The following TNN variants were observed in gnomAD, a reference collection of about 807,000 sequenced individuals.
The protein encoded by TNN is tenascin N, also known as tenascin-N.
Under a neutral mutation model 134.4 loss-of-function variants are expected in TNN, and 122 were observed. The ratio of observed to expected loss-of-function variants is 0.91; its 90% confidence interval spans 0.78 to 1.06. TNN has a LOEUF of 1.06. Ranked by LOEUF, TNN falls within the 50% of genes least tolerant of loss-of-function variation. The pLI is 0.00. For synonymous variants in TNN, 710 were observed against 670.3 expected, an observed-to-expected ratio of 1.06 and a Z score of -0.91; for missense variants, 1,739 against 1,699.4, an observed-to-expected ratio of 1.02 and a Z score of -0.41.
At chr1:175,099,162 C>T (rs1167107662) in intron 9 of TNN, among the ~76,000 whole-genome samples, 4 of 152,200 alleles carry the variant, frequency 2.6e-5, no homozygotes, top group Non-Finnish European at 5.9e-5. Flanking sequence ...TCTCTCTCGA[C>T]TTGGGCCACC....
intron 6 of TNN, among the ~76,000 whole-genome samples, chr1:175,088,502 A>G (rs1337285131): frequency 1.3e-5 from 2 of 152,116 alleles, no homozygotes; most frequent in African/African-American, 4.8e-5. Flanking sequence ...AAAATTTTCT[A>G]TGATTCCTCA....
intron 6 of TNN, 107 bp downstream of exon 6, chr1:175,085,601 G>GTGAGCCACCCCGTCTGTCT: frequency 1.2e-6 from 1 of 832,076 alleles, no homozygotes; most frequent in Non-Finnish European, 2.0e-6. Context: ...GCAGACAGAC[G>GTGAGCCACCCCGTCTGTCT]GGGTGGCTCA....
intron 1 of TNN, among the ~76,000 whole-genome samples, chr1:175,073,068 G>A (rs1360234530): frequency 6.6e-6 from 1 of 150,880 alleles, no homozygotes; most frequent in Non-Finnish European, 1.5e-5. Flanking sequence ...CCCTATTTTT[G>A]CCCAGGAAGA....
At position 175,077,559 on chromosome 1, in the gene TNN, G is replaced by T; in HGVS notation, c.141G>T (p.Lys47Asn). The change falls in exon 2 of 19, where the codon AAG becomes AAT. Residue 47 changes from lysine to asparagine, a missense_variant. Coordinates refer to ENST00000239462, the MANE Select transcript of TNN (RefSeq NM_022093.2). ...AGGTCACTGTCAGCCACACCTACAA[G>T]ATCGATGTGCCCAAGTCTGCCTTGG... ...EQQVTVSHTY[K>N]IDVPKSALVQ... is the part of the protein sequence containing the mutation. 6.2e-7 allele frequency: 1 copy of T among 1,614,234 alleles called. No homozygotes were observed. The highest frequency in any genetic ancestry group is 8.5e-7 in the Non-Finnish European group (1 of 1,180,054).
Position 175,098,549 on chromosome 1 carries a change from G to A in TNN, c.2073G>A (p.Gln691=), listed in dbSNP as rs989120933. The stretch of plus-strand genomic sequence containing the variant: ...AGTACATGGTGCACGTGTGGGCCCA[G>A]AAGGGGGACCAGGAGAGCAAGAAGG... ...GMEYMVHVWA[Q]KGDQESKKAD... is the part of the protein sequence containing the mutation. The change falls in exon 9 of 19, where the codon CAG becomes CAA. Residue 691 remains glutamine (Q), a synonymous_variant. Coordinates refer to ENST00000239462, the MANE Select transcript of TNN (RefSeq NM_022093.2). 1 of 1,614,074 alleles carries A rather than the reference G, an allele frequency of 6.2e-7. No individual in the cohort carries two copies. Among genetic ancestry groups the A allele is most frequent in the Non-Finnish European group, 8.5e-7 (1 of 1,180,044 alleles).
chr1:175,067,840 G>C lies in TNN; in HGVS notation c.-131G>C. On this transcript the variant is annotated 5_prime_UTR_variant, in exon 1 of 19. Coordinates refer to ENST00000239462, the MANE Select transcript of TNN (RefSeq NM_022093.2). ...AGGAAGGGAAGCCAAGGAGAGACGA[G>C]AACCAGGGACGACCAGCAAGTACCA... 2.0e-6 allele frequency: 1 copy of C among 493,802 alleles called. No homozygotes were observed. The highest frequency in any genetic ancestry group is 4.0e-6 in the Non-Finnish European group (1 of 247,812). 30.6% of individuals were successfully genotyped at this position (493,802 alleles called of 1,614,324 possible).
Position 175,128,094 on chromosome 1 carries a change from C to T in TNN, c.3108C>T (p.Thr1036=), listed in dbSNP as rs772962400. ...TGCAAGGCCTTGAGCAAGGCGCCAC[C>T]TACCCTGTCTCCCTTGTTGCCTTTA... ...FALQGLEQGA[T]YPVSLVAFKG... The change falls in exon 14 of 19, where the codon ACC becomes ACT. Residue 1036 remains threonine, a synonymous_variant. Coordinates refer to ENST00000239462, the MANE Select transcript of TNN (RefSeq NM_022093.2). The T allele has an allele frequency of 6.2e-7, 1 of 1,614,056 alleles. No individual in the cohort carries two copies.
At chr1:175,117,349 A>T in intron 10 of TNN, 144 bp downstream of exon 10, 5 of 1,368,808 alleles carry the variant, frequency 3.7e-6, no homozygotes, top group Non-Finnish European at 4.9e-6. Context: ...GATTGCACAC[A>T]CCATCCCTCA....
rs779022920 is a variant in TNN, at chr1:175,127,098, C to T, written c.3045+13C>T. 1 of 1,609,654 alleles carries T rather than the reference C, an allele frequency of 6.2e-7. No homozygotes were observed. Among genetic ancestry groups the T allele is most frequent in the African/African-American group, 1.3e-5 (1 of 74,738 alleles). On this transcript the variant is annotated intron_variant, in intron 13 of 18. Transcript: ENST00000239462. ...TGGCACAGTTAAGGTACGGGGATTCCTTGTCTTTTCTCCTGGTGCCTTCTC... is the reference window on the plus strand; with the variant it reads ...TGGCACAGTTAAGGTACGGGGATTCTTTGTCTTTTCTCCTGGTGCCTTCTC...
intron 2 of TNN, among the ~76,000 whole-genome samples, chr1:175,078,836 T>C (rs899511543): frequency 2.0e-5 from 3 of 152,196 alleles, no homozygotes; most frequent in African/African-American, 4.8e-5. Flanking sequence ...GTTCCGTTTT[T>C]TCCAGACTTC....
chr1:175,099,079 T>A (rs1260909304), intron 9 of TNN, among the ~76,000 whole-genome samples: 1 of 152,212 alleles, frequency 6.6e-6, no homozygotes, highest in Non-Finnish European at 1.5e-5. Flanking sequence ...TATCTAGTCA[T>A]TTTTAGTCCC....
At position 175,127,254 on chromosome 1, in the gene TNN, C is replaced by T. The variant is rs12066900; in HGVS notation, c.3045+169C>T. On this transcript the variant is annotated intron_variant, in intron 13 of 18. Coordinates refer to ENST00000239462, the MANE Select transcript of TNN (RefSeq NM_022093.2). ...TATTTTGTTTATTGTTAGTCTTCCCCAATAAATGTAAGCTCTATGTTTGTC... is the reference window on the plus strand; with the variant it reads ...TATTTTGTTTATTGTTAGTCTTCCCTAATAAATGTAAGCTCTATGTTTGTC... Among the ~76,000 whole-genome samples the T allele has an allele frequency of 8.0e-3, 1,216 of 152,314 alleles. 13 individuals carry two copies. Among genetic ancestry groups the T allele is most frequent in the African/African-American group, 0.027 (1,123 of 41,568 alleles).
intron 18 of TNN, among the ~76,000 whole-genome samples, chr1:175,145,869 A>G (rs1558378728): frequency 6.6e-6 from 1 of 152,018 alleles, no homozygotes; most frequent in Non-Finnish European, 1.5e-5. Flanking sequence ...TGAAAATTGC[A>G]TCTTTGTCTC....
At chr1:175,116,658 G>T (rs1269027143) in intron 9 of TNN, among the ~76,000 whole-genome samples, 1 of 152,176 alleles carries the variant, frequency 6.6e-6, no homozygotes, top group Non-Finnish European at 1.5e-5. Context: ...TAGTAACCTG[G>T]CTCCAACCTG....
At chr1:175,120,622 A>G (rs1357818807) in intron 11 of TNN, among the ~76,000 whole-genome samples, 1 of 152,128 alleles carries the variant, frequency 6.6e-6, no homozygotes, top group East Asian at 1.9e-4. Flanking sequence ...CATCACTGGG[A>G]CATTGCACAT....
Position 175,109,072 on chromosome 1 carries a change from ATTTT to A in TNN, c.2120-7843_2120-7840del, listed in dbSNP as rs1160268455. On this transcript the variant is annotated intron_variant, in intron 9 of 18. Coordinates refer to ENST00000239462, the MANE Select transcript of TNN (RefSeq NM_022093.2). The stretch of plus-strand genomic sequence containing the variant: ...GAATGTATTTCTTCTATCTAACTGT[ATTTT>A]TTTTTTTTTTTTTTTTTTTTTTTGA... Among the ~76,000 whole-genome samples, 242 of 61,928 alleles carry A rather than the reference ATTTT, an allele frequency of 3.9e-3. 2 individuals are homozygous for A. The highest frequency in any genetic ancestry group is 0.01 in the Middle Eastern group (1 of 98). 40.6% of individuals were successfully genotyped at this position (61,928 alleles called of 152,430 possible).
intron 1 of TNN, among the ~76,000 whole-genome samples, chr1:175,069,836 T>C (rs2149423954): frequency 6.6e-6 from 1 of 152,350 alleles, no homozygotes; most frequent in Middle Eastern, 3.4e-3. Context: ...TGCAAATGCT[T>C]GGAAATTAGC....
At chr1:175,143,418 C>A (rs1000579866) in intron 17 of TNN, among the ~76,000 whole-genome samples, 3 of 151,876 alleles carry the variant, frequency 2.0e-5, no homozygotes, top group Non-Finnish European at 2.9e-5. Flanking sequence ...GATACATAAG[C>A]AAAATAATTA....
chr1:175,140,701 A>G (rs1675925007), intron 17 of TNN, among the ~76,000 whole-genome samples: 1 of 152,194 alleles, frequency 6.6e-6, no homozygotes, highest in South Asian at 2.1e-4. Context: ...TGTATTTTTT[A>G]ATAGAATTAT....
Sources: gnomAD v4.1 joint callset for allele counts (sites outside exome capture counted in the v4.1 genomes callset) on GRCh38, gnomAD v4.1.1 for gene constraint, MANE v1.5 for transcripts, NCBI Gene and HGNC (gene_info 2026-07-23, HGNC 2026-07-21) for gene names.